The following CACNB2 variants were observed in gnomAD, a reference collection of about 807,000 sequenced individuals.
CACNB2 encodes the protein calcium voltage-gated channel auxiliary subunit beta 2.
CACNB2 carries 42 observed loss-of-function variants against 73.3 expected under a neutral mutation model. That is an observed-to-expected ratio of 0.57 (90% CI 0.45 to 0.74). The LOEUF (loss-of-function observed/expected upper bound fraction) is 0.74, where lower values mean the gene tolerates loss of function less well. CACNB2 is among the 30% of genes least tolerant of loss of function. The pLI, the probability that CACNB2 is intolerant of heterozygous loss-of-function variation, is 0.00. For synonymous variants in CACNB2, 348 were observed against 310.3 expected (o/e 1.12, Z -1.28); for missense variants, 940 against 853.0 (o/e 1.10, Z -1.27).
intron 3 of CACNB2, among the ~76,000 whole-genome samples, chr10:18,414,925 A>G (rs1178577976): frequency 6.6e-6 from 1 of 152,198 alleles, no homozygotes; most frequent in African/African-American, 2.4e-5. Context: ...AAAACAGTCA[A>G]CCCTCTCTGT....
intron 2 of CACNB2, among the ~76,000 whole-genome samples, chr10:18,298,829 G>T (rs1368399566): frequency 6.6e-6 from 1 of 152,118 alleles, no homozygotes; most frequent in Non-Finnish European, 1.5e-5. Flanking sequence ...AAGAATGGCG[G>T]GTTTCTTCCA....
At chr10:18,357,785 C>T (rs936549926) in intron 2 of CACNB2, among the ~76,000 whole-genome samples, 2 of 152,128 alleles carry the variant, frequency 1.3e-5, no homozygotes, top group Non-Finnish European at 2.9e-5. Flanking sequence ...GTGTAAAATG[C>T]AAACAGGTGT....
At chr10:18,411,054 A>G (rs932407768) in intron 3 of CACNB2, among the ~76,000 whole-genome samples, 3 of 152,208 alleles carry the variant, frequency 2.0e-5, no homozygotes, top group Non-Finnish European at 4.4e-5. Flanking sequence ...TATGTCACAC[A>G]TTCTTATTAA....
intron 2 of CACNB2, among the ~76,000 whole-genome samples, chr10:18,232,917 C>T (rs1208043981): frequency 6.6e-6 from 1 of 152,126 alleles, no homozygotes; most frequent in East Asian, 1.9e-4. Flanking sequence ...AAAACCCCAA[C>T]TCTACAAAAA....
intron 2 of CACNB2, among the ~76,000 whole-genome samples, chr10:18,209,203 G>A (rs1255923291): frequency 6.6e-6 from 1 of 152,142 alleles, no homozygotes; most frequent in Non-Finnish European, 1.5e-5. Flanking sequence ...ACAGAAAAAT[G>A]TGGCTTAATT....
intron 3 of CACNB2, among the ~76,000 whole-genome samples, chr10:18,407,001 C>T (rs2044323470): frequency 6.7e-6 from 1 of 150,342 alleles, no homozygotes; most frequent in Non-Finnish European, 1.5e-5. Flanking sequence ...TGTCTTTATT[C>T]TACCTTCACA....
At chr10:18,179,050 T>A (rs2033745161) in intron 2 of CACNB2, among the ~76,000 whole-genome samples, 1 of 152,192 alleles carries the variant, frequency 6.6e-6, no homozygotes, top group African/African-American at 2.4e-5. Flanking sequence ...CATAAACAAA[T>A]TAGAATTTTC....
At chr10:18,478,406 T>A (rs1196970835) in intron 3 of CACNB2, among the ~76,000 whole-genome samples, 1 of 152,236 alleles carries the variant, frequency 6.6e-6, no homozygotes, top group Non-Finnish European at 1.5e-5. Context: ...TCTTCAGAAC[T>A]TATTAAAGAT....
chr10:18,226,537 AAG>A (rs1564359464), intron 2 of CACNB2, among the ~76,000 whole-genome samples: 1 of 152,178 alleles, frequency 6.6e-6, no homozygotes, highest in East Asian at 1.9e-4. Flanking sequence ...CACAGCCAGT[AAG>A]AGGCAGAGAT....
At chr10:18,324,498 C>T (rs2040508537) in intron 2 of CACNB2, among the ~76,000 whole-genome samples, 2 of 152,176 alleles carry the variant, frequency 1.3e-5, no homozygotes, top group Admixed American at 6.5e-5. Context: ...TTGGGAAGTC[C>T]ATAATATGGA....
At chr10:18,192,880 A>G (rs1337910732) in intron 2 of CACNB2, among the ~76,000 whole-genome samples, 1 of 152,194 alleles carries the variant, frequency 6.6e-6, no homozygotes, top group Non-Finnish European at 1.5e-5. Flanking sequence ...GCCACAAATT[A>G]TCCATTCATC....
At chr10:18,354,035 A>T (rs942907460) in intron 2 of CACNB2, among the ~76,000 whole-genome samples, 3 of 152,212 alleles carry the variant, frequency 2.0e-5, no homozygotes, top group African/African-American at 7.2e-5. Context: ...TGGAATGTAT[A>T]GTCTGTCAAA....
At chr10:18,222,810 G>A (rs928019123) in intron 2 of CACNB2, among the ~76,000 whole-genome samples, 2 of 152,134 alleles carry the variant, frequency 1.3e-5, no homozygotes, top group African/African-American at 4.8e-5. Flanking sequence ...GGTGGTGGAC[G>A]CCTGTAATCC....
At chr10:18,469,328 G>C (rs550786963) in intron 3 of CACNB2, among the ~76,000 whole-genome samples, 1 of 152,172 alleles carries the variant, frequency 6.6e-6, no homozygotes, top group Non-Finnish European at 1.5e-5. Flanking sequence ...GCCATTGGAT[G>C]GGTTGGTTTT....
rs892840407 is a variant in CACNB2, at chr10:18,360,499, C to T, written c.214-41425C>T. Among the ~76,000 whole-genome samples, 10 of 152,282 alleles carry T rather than the reference C, an allele frequency of 6.6e-5. 1 individual carries two copies. In the South Asian group the frequency reaches 1.9e-3, roughly 28 times the overall value. Reference sequence around the variant, plus strand: ...TCAGCCTCACAAAGTGCTGGGATTACAGGCATGCACCACTGCACCCAGCCT... The same window carrying T: ...TCAGCCTCACAAAGTGCTGGGATTATAGGCATGCACCACTGCACCCAGCCT... On this transcript the variant is annotated intron_variant, in intron 2 of 13. Transcript: ENST00000324631.
rs1317475688 is a variant in CACNB2 at position 18,295,996 on chromosome 10, G to A, written c.214-105928G>A. 2.8e-5 allele frequency among the ~76,000 whole-genome samples: 3 copies of A among 106,230 alleles called. No homozygotes were observed. The East Asian group carries it at 8.4e-4, about 30-fold the overall frequency. 69.7% of individuals were successfully genotyped at this position (106,230 alleles called of 152,430 possible). A position where few individuals can be genotyped will look rare whatever the true frequency, so the allele number is the denominator to read the frequency against. ...TGTCAAAAATCACTATTCTTTTTGC[G>A]TGTTTTTTTTTTTTTTTTTTTTTTT... is the stretch of plus-strand genomic sequence containing the variant. On this transcript the variant is annotated intron_variant, in intron 2 of 13. Coordinates refer to ENST00000324631, the MANE Select transcript of CACNB2 (RefSeq NM_201596.3).
chr10:18,235,449 C>A (rs772616393), intron 2 of CACNB2, among the ~76,000 whole-genome samples: 5 of 152,160 alleles, frequency 3.3e-5, no homozygotes, highest in African/African-American at 9.7e-5. Context: ...CAAAGCAAGA[C>A]CCTGTCTCTA....
chr10:18,462,527 T>C (rs2047637518), intron 3 of CACNB2, among the ~76,000 whole-genome samples: 2 of 152,120 alleles, frequency 1.3e-5, no homozygotes, highest in South Asian at 4.1e-4. Context: ...AGTGTTGGGA[T>C]TATGGGCATG....
intron 2 of CACNB2, among the ~76,000 whole-genome samples, chr10:18,241,581 A>G (rs2131506403): frequency 6.6e-6 from 1 of 152,204 alleles, no homozygotes; most frequent in South Asian, 2.1e-4. Context: ...CTTGAAGTAT[A>G]TTAAAAAAAA....
Sources: allele counts gnomAD v4.1 joint callset (sites outside exome capture counted in the v4.1 genomes callset), GRCh38; gene constraint gnomAD v4.1.1; transcripts MANE v1.5; gene names NCBI Gene and HGNC (gene_info 2026-07-23, HGNC 2026-07-21).